Variants in PBX1 observed in about 807,000 individuals in gnomAD.
The protein encoded by PBX1 is pre-B-cell leukemia transcription factor 1.
A neutral mutation model predicts 53.4 loss-of-function variants in PBX1; 6 were observed. The ratio of observed to expected loss-of-function variants is 0.11; its 90% CI spans 0.06 to 0.22. PBX1 has a LOEUF of 0.22. PBX1 is among the 10% of genes least tolerant of loss of function. The pLI is 1.00. For synonymous variants in PBX1, 204 were observed against 212.3 expected, an observed-to-expected ratio of 0.96 and a Z score of 0.34; for missense variants, 251 against 551.4, an observed-to-expected ratio of 0.46 and a Z score of 5.46.
intron 2 of PBX1, among the ~76,000 whole-genome samples, chr1:164,735,403 G>C (rs1665212724): frequency 6.6e-6 from 1 of 152,184 alleles, no homozygotes; most frequent in African/African-American, 2.4e-5. Flanking sequence ...CATGAGTACA[G>C]AATCAGGGAG....
Position 164,874,765 on chromosome 1 carries a change from A to G in PBX1, n.258-24423A>G, listed in dbSNP as rs969758715. Among the ~76,000 whole-genome samples the G allele has an allele frequency of 3.3e-5, 5 of 152,184 alleles. No homozygotes were observed. The South Asian group carries it at 6.2e-4, about 19-fold the overall frequency. On this transcript the variant is annotated intron_variant and non_coding_transcript_variant, in intron 2 of 2. Coordinates refer to the PBX1 transcript ENST00000558796. ...TGCCTTGGCCTCCCAAATTGCTGGGATTACAGGCGTGAGCCACTGTGCCCA... is the reference window on the plus strand; with the variant it reads ...TGCCTTGGCCTCCCAAATTGCTGGGGTTACAGGCGTGAGCCACTGTGCCCA...
chr1:164,785,835 C>T (rs1015369195), intron 2 of PBX1, among the ~76,000 whole-genome samples: 2 of 152,200 alleles, frequency 1.3e-5, no homozygotes, highest in Non-Finnish European at 2.9e-5. Context: ...TGCTTCTTCC[C>T]CAGGTACCAG....
At chr1:164,788,752 T>TCCC (rs11429159) in intron 2 of PBX1, among the ~76,000 whole-genome samples, 228 of 68,982 alleles carry the variant, frequency 3.3e-3, no homozygotes, top group African/African-American at 4.8e-3. Flanking sequence ...CCCGCCGCCC[T>TCCC]CCCCCCCCCG....
intron 2 of PBX1, among the ~76,000 whole-genome samples, chr1:164,707,752 A>T (rs1295418947): frequency 2.0e-5 from 3 of 152,192 alleles, no homozygotes; most frequent in African/African-American, 7.2e-5. Flanking sequence ...CTGCTCCCAG[A>T]TGGGGAAGCC....
intron 2 of PBX1, among the ~76,000 whole-genome samples, chr1:164,640,556 G>GTTTTTTTTTTTT (rs1272033438): frequency 1.1e-3 from 35 of 30,616 alleles, no homozygotes; most frequent in Non-Finnish European, 2.9e-3. Flanking sequence ...TTTTTTTTTT[G>GTTTTTTTTTTTT]TGTTTTTTTT....
At chr1:164,690,061 T>C (rs1662371698) in intron 2 of PBX1, among the ~76,000 whole-genome samples, 1 of 152,184 alleles carries the variant, frequency 6.6e-6, no homozygotes, top group Non-Finnish European at 1.5e-5. Flanking sequence ...TATTGCAGGG[T>C]GACATATGGT....
intron 2 of PBX1, among the ~76,000 whole-genome samples, chr1:164,751,942 T>C (rs1666252770): frequency 6.6e-6 from 1 of 152,116 alleles, no homozygotes; most frequent in South Asian, 2.1e-4. Flanking sequence ...TTTATGAATA[T>C]TGATAAATAT....
At chr1:164,743,518 A>G (rs972467394) in intron 2 of PBX1, among the ~76,000 whole-genome samples, 3 of 152,162 alleles carry the variant, frequency 2.0e-5, no homozygotes, top group African/African-American at 7.2e-5. Context: ...ATTAAGTGGT[A>G]TTTAAGAGAA....
intron 2 of PBX1, among the ~76,000 whole-genome samples, chr1:164,790,947 A>G (rs1178103982): frequency 1.3e-5 from 2 of 151,298 alleles, no homozygotes; most frequent in African/African-American, 4.9e-5. Context: ...GGCTCACCAG[A>G]TGCACTCTGC....
chr1:164,796,964 G>A (rs1214873738), intron 3 of PBX1, among the ~76,000 whole-genome samples: 2 of 152,190 alleles, frequency 1.3e-5, no homozygotes, highest in Non-Finnish European at 2.9e-5. Context: ...AAGTGAGGAG[G>A]AGGTATGGGT....
chr1:164,860,205 C>T (rs546715253), intron 2 of PBX1, among the ~76,000 whole-genome samples: 2 of 152,182 alleles, frequency 1.3e-5, no homozygotes, highest in Non-Finnish European at 2.9e-5. Context: ...AGCTACTCCA[C>T]CTTCCCCCAA....
At chr1:164,792,769 A>G (rs1668584111) in intron 3 of PBX1, 31 bp downstream of exon 3, 1 of 1,517,002 alleles carries the variant, frequency 6.6e-7, no homozygotes, top group Non-Finnish European at 9.0e-7. Flanking sequence ...CTCGGCACCC[A>G]GGCCCTTTAG....
At chr1:164,883,714 C>T (rs1021020349) in intron 2 of PBX1, among the ~76,000 whole-genome samples, 4 of 152,120 alleles carry the variant, frequency 2.6e-5, no homozygotes, top group African/African-American at 4.8e-5. Flanking sequence ...ATGGGAGCAC[C>T]GGCACCTTCC....
chr1:164,835,991 A>G (rs571450444), intron 8 of PBX1, among the ~76,000 whole-genome samples: 2 of 152,280 alleles, frequency 1.3e-5, no homozygotes, highest in South Asian at 4.1e-4. Flanking sequence ...TGTTAGTGGA[A>G]AGTTTAGGGG....
intron 5 of PBX1, among the ~76,000 whole-genome samples, chr1:164,809,051 T>C (rs1669484687): frequency 6.6e-6 from 1 of 152,314 alleles, no homozygotes; most frequent in African/African-American, 2.4e-5. Flanking sequence ...TGATACTTGC[T>C]ACATGTTTGA....
At chr1:164,790,764 G>C (rs904932673) in intron 2 of PBX1, among the ~76,000 whole-genome samples, 2 of 152,194 alleles carry the variant, frequency 1.3e-5, no homozygotes, top group Non-Finnish European at 2.9e-5. Flanking sequence ...TTTGCTGCCT[G>C]TTGGCAGCCA....
chr1:164,807,543 C>T lies in PBX1; in HGVS notation c.703C>T (p.Arg235Trp), dbSNP rs1571445295. The T allele has an allele frequency of 6.2e-7, 1 of 1,612,776 alleles. No homozygotes were observed. Among genetic ancestry groups the T allele is most frequent in the Non-Finnish European group, 8.5e-7 (1 of 1,179,356 alleles). ...ATTATTTCCTTTCTCTTTACAAAGG[C>T]GGAAGAGACGGAATTTCAACAAGCA... ...ILRSRFLDARRKRRNFNKQAT... is the reference protein window; with the variant it reads ...ILRSRFLDARWKRRNFNKQAT... The change falls in exon 5 of 9, where the codon CGG becomes TGG. Residue 235 changes from arginine (R) to tryptophan (W), a missense_variant and splice_region_variant. Around this residue, in one of 4 missense-constraint regions of PBX1, gnomAD observed 20 missense variants for 144.8 expected, o/e 0.14. Coordinates refer to ENST00000420696, the MANE Select transcript of PBX1 (RefSeq NM_002585.4).
intron 2 of PBX1, among the ~76,000 whole-genome samples, chr1:164,665,762 C>T (rs1660770040): frequency 6.6e-6 from 1 of 152,140 alleles, no homozygotes; most frequent in African/African-American, 2.4e-5. Context: ...GGAATGTGGC[C>T]GCTTCCACCC....
At chr1:164,799,936 C>A in intron 4 of PBX1, 47 bp downstream of exon 4, 3 of 1,548,942 alleles carry the variant, frequency 1.9e-6, no homozygotes, top group Non-Finnish European at 2.6e-6. Context: ...AGTCCCTGAT[C>A]TGGGGCTGGA....
Sources: allele counts gnomAD v4.1 joint callset (sites outside exome capture counted in the v4.1 genomes callset), GRCh38; gene constraint gnomAD v4.1.1; regional missense constraint gnomAD v4.1.1; transcripts MANE v1.5; gene names NCBI Gene and HGNC (gene_info 2026-07-23, HGNC 2026-07-21).